Variants in UTP6 observed in about 807,000 individuals in gnomAD.
The protein encoded by UTP6 is UTP6 small subunit processome component.
A neutral mutation model predicts 96.5 loss-of-function variants in UTP6; 60 were observed. The observed-to-expected ratio is 0.62, with a 90% CI of 0.51 to 0.77. The LOEUF is 0.77. Among genes scored for constraint, UTP6 ranks in the 30% least tolerant of loss-of-function variants. The probability of loss-of-function intolerance (pLI) is 0.00; values close to 1 mark genes in which losing one functional copy is unlikely to be tolerated. For missense variants in UTP6, 637 were observed against 706.5 expected (o/e 0.90, Z 1.12); for synonymous variants, 215 against 240.1 (o/e 0.90, Z 0.96).
chr17:31,874,826 G>C (rs541637931), intron 14 of UTP6, among the ~76,000 whole-genome samples: 2 of 151,816 alleles, frequency 1.3e-5, no homozygotes, highest in East Asian at 3.9e-4. Flanking sequence ...CAGCTACTCG[G>C]GAGGCTGAGG....
intron 6 of UTP6, 89 bp from the exon 7 acceptor site, chr17:31,889,492 AC>A: frequency 7.0e-5 from 66 of 948,602 alleles, no homozygotes; most frequent in Non-Finnish European, 8.6e-5. Flanking sequence ...TAATACTCGC[AC>A]AATTTTTTTT....
chr17:31,863,883 T>C (rs1909667810), intron 18 of UTP6, among the ~76,000 whole-genome samples: 1 of 152,110 alleles, frequency 6.6e-6, no homozygotes, highest in Non-Finnish European at 1.5e-5. Flanking sequence ...TTATTTTTTG[T>C]AGAAACAGGG....
chr17:31,900,482 G>C (rs1257959193), intron 1 of UTP6, among the ~76,000 whole-genome samples: 1 of 151,868 alleles, frequency 6.6e-6, no homozygotes, highest in Non-Finnish European at 1.5e-5. Flanking sequence ...AGTAGAGACG[G>C]GGTTTCACCA....
At chr17:31,886,148 G>A in intron 8 of UTP6, 87 bp from the exon 9 acceptor site, 1 of 1,079,822 alleles carries the variant, frequency 9.3e-7, no homozygotes, top group South Asian at 1.4e-5. Flanking sequence ...TAGACTACCT[G>A]TGCCATATGA....
chr17:31,901,324 C>A, intron 1 of UTP6: 1 of 552,990 alleles, frequency 1.8e-6, no homozygotes, highest in Non-Finnish European at 3.3e-6. Context: ...CCATGAAGGG[C>A]TGTCAAAACG....
Position 31,899,691 on chromosome 17 carries a change from G to T in UTP6, c.132C>A (p.Ile44=). Residue 44 remains isoleucine (I), a synonymous_variant, in exon 2 of 19, where the codon ATC becomes ATA. Coordinates refer to ENST00000261708, the MANE Select transcript of UTP6 (RefSeq NM_018428.3). ...CTTCCTTGAAAAGGGTTCTTCTCTG[G>T]ATTTTGTACTCTAGATCGGAAGCCT... ...IKKASDLEYK[I]QRRTLFKEDF... 6.2e-7 allele frequency: 1 copy of T among 1,606,080 alleles called. No individual in the cohort carries two copies.
chr17:31,868,170 A>C (rs751466512), intron 16 of UTP6, 58 bp from the exon 17 acceptor site: 2,466 of 1,471,036 alleles, frequency 1.7e-3, no homozygotes, highest in Non-Finnish European at 2.1e-3. Context: ...CTTACATCTC[A>C]TAACTGTAAA....
intron 16 of UTP6, among the ~76,000 whole-genome samples, chr17:31,869,365 G>A (rs890307275): frequency 1.3e-5 from 2 of 151,952 alleles, no homozygotes; most frequent in Non-Finnish European, 2.9e-5. Context: ...AAAGGGTCTC[G>A]CTATGTTGCT....
At chr17:31,897,443 C>A in intron 2 of UTP6, among the ~76,000 whole-genome samples, 1 of 103,216 alleles carries the variant, frequency 9.7e-6, no homozygotes, top group Non-Finnish European at 1.9e-5. Flanking sequence ...AACTTCTAGT[C>A]TTTTTTTTTT....
Position 31,867,908 on chromosome 17 carries a change from G to T in UTP6, c.1563+138C>A, listed in dbSNP as rs945977605. Reference sequence around the variant, plus strand: ...GGAGATGGAGGTTGCAGTGAGCCAAGATCACGCCACTGCACTCCAGCCTGG... The same window carrying T: ...GGAGATGGAGGTTGCAGTGAGCCAATATCACGCCACTGCACTCCAGCCTGG... On this transcript the variant is annotated intron_variant, in intron 17 of 18. Transcript: ENST00000261708. The T allele has an allele frequency of 1.2e-5, 8 of 680,016 alleles. No individual in the cohort carries two copies. The African/African-American group carries it at 1.5e-4, about 13-fold the overall frequency. The allele number at this position is 680,016 out of a possible 1,614,324, so 42.1% of individuals were successfully genotyped here. A position where few individuals can be genotyped will look rare whatever the true frequency, so the allele number is the denominator to read the frequency against.
At chr17:31,875,170 G>T in intron 14 of UTP6, 64 bp downstream of exon 14, 1 of 1,577,682 alleles carries the variant, frequency 6.3e-7, no homozygotes, top group Non-Finnish European at 8.6e-7. Flanking sequence ...CATTCCAAAT[G>T]AGCCTTGGCT....
At chr17:31,889,494 A>ATT in intron 6 of UTP6, 91 bp from the exon 7 acceptor site, 1 of 922,186 alleles carries the variant, frequency 1.1e-6, no homozygotes, top group Non-Finnish European at 1.6e-6. Context: ...ATACTCGCAC[A>ATT]ATTTTTTTTT....
rs1309588184 is a variant in UTP6, at chr17:31,892,791, C to T, written c.316G>A (p.Asp106Asn). The T allele has an allele frequency of 7.4e-6, 12 of 1,614,010 alleles. No homozygotes were observed. Among genetic ancestry groups the T allele is most frequent in the African/African-American group, 2.7e-5 (2 of 74,932 alleles). The part of the protein sequence containing the change: ...FQRASAKWKD[D>N]VQLWLSYVAF... ...ACATAGGAGAGCCAAAGTTGAACAT[C>T]GTCCTGCAAGAAAAGCAATGTAGTA... The change falls in exon 5 of 19, where the codon GAT (aspartate) becomes AAT (asparagine). Residue 106 changes from aspartate (D) to asparagine (N), a missense_variant. Coordinates refer to ENST00000261708, the MANE Select transcript of UTP6 (RefSeq NM_018428.3).
intron 10 of UTP6, among the ~76,000 whole-genome samples, chr17:31,881,411 C>T (rs562637047): frequency 2.0e-5 from 3 of 151,496 alleles, no homozygotes; most frequent in African/African-American, 4.9e-5. Flanking sequence ...GAATTACAGA[C>T]GCATACCACC....
intron 9 of UTP6, among the ~76,000 whole-genome samples, chr17:31,885,353 C>T (rs1163846815): frequency 1.3e-5 from 2 of 151,558 alleles, no homozygotes; most frequent in Non-Finnish European, 2.9e-5. Flanking sequence ...CCATGTGGGC[C>T]AGGCTGGTCG....
chr17:31,877,076 A>C (rs1598102453), intron 13 of UTP6, among the ~76,000 whole-genome samples: 1 of 152,314 alleles, frequency 6.6e-6, no homozygotes, highest in Non-Finnish European at 1.5e-5. Context: ...TGGAGTGTCA[A>C]GGAAACAGGT....
intron 6 of UTP6, among the ~76,000 whole-genome samples, chr17:31,890,787 G>A (rs920249454): frequency 5.3e-5 from 8 of 151,632 alleles, no homozygotes; most frequent in Non-Finnish European, 1.2e-4. Flanking sequence ...GGAGTTCTGA[G>A]ACCAGTCTGG....
At chr17:31,887,198 A>C in intron 8 of UTP6, 38 bp downstream of exon 8, 1 of 1,548,942 alleles carries the variant, frequency 6.5e-7, no homozygotes, top group Non-Finnish European at 8.9e-7. Context: ...AATGTTATAC[A>C]TCGTTAGCAA....
intron 18 of UTP6, among the ~76,000 whole-genome samples, chr17:31,863,980 C>T (rs950437597): frequency 2.0e-5 from 3 of 152,134 alleles, no homozygotes; most frequent in Admixed American, 1.3e-4. Context: ...GGATTACAGG[C>T]GTGAGCCACT....
Sources: allele counts gnomAD v4.1 joint callset (sites outside exome capture counted in the v4.1 genomes callset), GRCh38; gene constraint gnomAD v4.1.1; transcripts MANE v1.5; gene names NCBI Gene and HGNC (gene_info 2026-07-23, HGNC 2026-07-21).